IL1RAPL1: variants seen among roughly 807,000 people sequenced by gnomAD.
The protein encoded by IL1RAPL1 is interleukin-1 receptor accessory protein-like 1.
In IL1RAPL1, 3 loss-of-function variants were observed where a neutral mutation model predicts 48.4. The observed-to-expected ratio is 0.06, with a 90% CI of 0.03 to 0.16. The LOEUF is 0.16. IL1RAPL1 is among the 10% of genes least tolerant of loss of function. The pLI is 1.00. For missense variants in IL1RAPL1, 349 were observed against 530.6 expected, an observed-to-expected ratio of 0.66 and a Z score of 3.36; for synonymous variants, 185 against 187.7, an observed-to-expected ratio of 0.99 and a Z score of 0.12.
intron 5 of IL1RAPL1, among the ~76,000 whole-genome samples, chrX:29,610,939 G>A (rs1924072023): frequency 8.9e-6 from 1 of 112,360 alleles, no homozygotes; most frequent in Non-Finnish European, 1.9e-5. Context: ...GGCCTAGGGA[G>A]TCATGCCCTA....
At chrX:29,342,116 G>T (rs1377767418) in intron 3 of IL1RAPL1, among the ~76,000 whole-genome samples, 55 of 83,152 alleles carry the variant, frequency 6.6e-4, no homozygotes, top group African/African-American at 2.8e-3. Context: ...CTTGTTTTGT[G>T]TGTGTGTGTG....
intron 5 of IL1RAPL1, among the ~76,000 whole-genome samples, chrX:29,626,636 C>T (rs1247671836): frequency 1.9e-5 from 2 of 105,679 alleles, no homozygotes; most frequent in Admixed American, 1.0e-4. Context: ...AAATATTATT[C>T]TAAAAAGAGA....
intron 6 of IL1RAPL1, among the ~76,000 whole-genome samples, chrX:29,795,019 T>C (rs767543128): frequency 7.2e-5 from 8 of 111,604 alleles, no homozygotes; most frequent in African/African-American, 2.6e-4. Context: ...ACCTTAGGAG[T>C]AGGAATCAAA....
intron 6 of IL1RAPL1, among the ~76,000 whole-genome samples, chrX:29,732,092 G>T (rs148618959): frequency 1.6e-3 from 180 of 111,681 alleles, no homozygotes; most frequent in African/African-American, 5.5e-3. Flanking sequence ...CAAAACATCA[G>T]ATATTTACTA....
intron 2 of IL1RAPL1, among the ~76,000 whole-genome samples, chrX:29,011,621 G>A (rs1032565160): frequency 6.2e-5 from 7 of 112,011 alleles, no homozygotes; most frequent in African/African-American, 1.9e-4. Flanking sequence ...GACAGTGAAG[G>A]TAAAGTTTGA....
At chrX:28,658,772 G>A (rs1189220432) in intron 1 of IL1RAPL1, among the ~76,000 whole-genome samples, 2 of 110,613 alleles carry the variant, frequency 1.8e-5, no homozygotes, top group African/African-American at 6.6e-5. Context: ...AAAATTTAAC[G>A]GGTTTATTTA....
At chrX:28,772,133 AAG>A (rs1353422377) in intron 1 of IL1RAPL1, among the ~76,000 whole-genome samples, 7 of 110,426 alleles carry the variant, frequency 6.3e-5, no homozygotes, top group Non-Finnish European at 1.3e-4. Flanking sequence ...GTAGATGAAA[AAG>A]AGAGGGATGG....
At chrX:29,684,939 C>G (rs934109634) in intron 6 of IL1RAPL1, among the ~76,000 whole-genome samples, 3 of 112,231 alleles carry the variant, frequency 2.7e-5, no homozygotes, top group Non-Finnish European at 5.6e-5. Context: ...TATTAATTCC[C>G]TGCACGCAAA....
chrX:29,089,505 G>A (rs192399347), intron 2 of IL1RAPL1, among the ~76,000 whole-genome samples: 1,808 of 106,769 alleles, frequency 0.017, 19 homozygotes, highest in Middle Eastern at 0.054. Flanking sequence ...TCATATAACC[G>A]AAAGTTTGTA....
chrX:29,096,832 G>A (rs1027642394), intron 2 of IL1RAPL1, among the ~76,000 whole-genome samples: 3 of 110,998 alleles, frequency 2.7e-5, no homozygotes, highest in African/African-American at 9.8e-5. Context: ...TAAAAAGCAC[G>A]TACCTTGGTC....
chrX:29,804,247 G>A (rs191073800), intron 6 of IL1RAPL1, among the ~76,000 whole-genome samples: 16 of 111,642 alleles, frequency 1.4e-4, no homozygotes, highest in African/African-American at 4.2e-4. Flanking sequence ...TTTTTCTGGC[G>A]TGATCTGCTA....
At chrX:29,294,810 A>G (rs764903612) in intron 3 of IL1RAPL1, among the ~76,000 whole-genome samples, 1 of 111,594 alleles carries the variant, frequency 9.0e-6, no homozygotes, top group African/African-American at 3.2e-5. Context: ...AAGCTACAAT[A>G]TATTCCTGAT....
chrX:29,860,192 A>T (rs1458932263), intron 6 of IL1RAPL1, among the ~76,000 whole-genome samples: 1 of 111,614 alleles, frequency 9.0e-6, no homozygotes, highest in East Asian at 2.8e-4. Context: ...TGCTAGGAAG[A>T]GTGATGTGAA....
At chrX:29,774,193 T>A (rs904764304) in intron 6 of IL1RAPL1, among the ~76,000 whole-genome samples, 1 of 102,515 alleles carries the variant, frequency 9.8e-6, no homozygotes, top group Non-Finnish European at 2.0e-5. Flanking sequence ...GGTAAATAAC[T>A]AAAAATTGTT....
intron 6 of IL1RAPL1, among the ~76,000 whole-genome samples, chrX:29,853,947 A>G (rs1390190848): frequency 8.9e-6 from 1 of 112,218 alleles, no homozygotes; most frequent in Non-Finnish European, 1.9e-5. Flanking sequence ...TTTTGATTCA[A>G]TGTTTTTAAC....
At position 29,652,158 on chromosome X, in the gene IL1RAPL1, C is replaced by CA. The variant is rs1294558361; in HGVS notation, c.704-16266dup. Among the ~76,000 whole-genome samples, 5 of 111,612 alleles carry CA rather than the reference C, an allele frequency of 4.5e-5. No individual in the cohort carries two copies. In the East Asian group the frequency reaches 1.1e-3, roughly 25 times the overall value. On this transcript the variant is annotated intron_variant, in intron 5 of 10. Coordinates refer to ENST00000378993, the MANE Select transcript of IL1RAPL1 (RefSeq NM_014271.4). ...TAAATCTTTCCTTGACTAGTCAAAT[C>CA]AAAAAATTTTTTTGGAATATCTTCT...
At chrX:29,878,007 G>T (rs1240953186) in intron 6 of IL1RAPL1, among the ~76,000 whole-genome samples, 2 of 111,867 alleles carry the variant, frequency 1.8e-5, no homozygotes, top group Non-Finnish European at 3.8e-5. Context: ...AGGGTTATTA[G>T]CAAATATTCA....
chrX:29,592,782 C>G (rs1333159849), intron 5 of IL1RAPL1, among the ~76,000 whole-genome samples: 1 of 111,731 alleles, frequency 9.0e-6, no homozygotes. Context: ...AGAGGAGCCC[C>G]CCTCACCAAT....
At chrX:29,497,617 C>G (rs992680944) in intron 5 of IL1RAPL1, among the ~76,000 whole-genome samples, 1 of 110,711 alleles carries the variant, frequency 9.0e-6, no homozygotes. Flanking sequence ...ATTCATGCAG[C>G]TTTGGCTTTT....
Sources: gnomAD v4.1 joint callset for allele counts (sites outside exome capture counted in the v4.1 genomes callset) on GRCh38, gnomAD v4.1.1 for gene constraint, MANE v1.5 for transcripts, NCBI Gene and HGNC (gene_info 2026-07-23, HGNC 2026-07-21) for gene names.